The following ERC2 variants were observed in gnomAD, a reference collection of about 807,000 sequenced individuals.
ERC2 encodes ELKS/RAB6-interacting/CAST family member 2, also known as ERC protein 2.
A neutral mutation model predicts 114.8 loss-of-function variants in ERC2; 42 were observed. That is an observed-to-expected ratio of 0.37 (90% CI 0.29 to 0.47). ERC2 has a LOEUF of 0.47. ERC2 is among the 20% of genes least tolerant of loss of function. ERC2 has a pLI of 0.99. For synonymous variants in ERC2, 454 were observed against 425.5 expected (o/e 1.07, Z -0.82); for missense variants, 939 against 1,150.7 (o/e 0.82, Z 2.66).
intron 17 of ERC2, among the ~76,000 whole-genome samples, chr3:55,545,449 G>C (rs924465105): frequency 7.2e-5 from 11 of 152,222 alleles, no homozygotes. Context: ...GCTGCTGTGC[G>C]TCGGATCACG....
chr3:56,316,929 G>C (rs2056892731), intron 2 of ERC2, among the ~76,000 whole-genome samples: 1 of 152,162 alleles, frequency 6.6e-6, no homozygotes, highest in Admixed American at 6.5e-5. Context: ...ATTCATTTCT[G>C]CCACAACCAT....
chr3:56,396,564 T>C (rs989297042), intron 2 of ERC2, among the ~76,000 whole-genome samples: 1 of 152,258 alleles, frequency 6.6e-6, no homozygotes, highest in African/African-American at 2.4e-5. Flanking sequence ...GTGCTCACAA[T>C]GTTAATACAT....
intron 13 of ERC2, among the ~76,000 whole-genome samples, chr3:55,933,447 C>A (rs984770894): frequency 2.0e-5 from 3 of 152,182 alleles, no homozygotes; most frequent in Non-Finnish European, 4.4e-5. Context: ...GAAAGAATAA[C>A]GATACCTGTA....
At chr3:55,640,101 A>G (rs534556954) in intron 17 of ERC2, among the ~76,000 whole-genome samples, 1 of 152,270 alleles carries the variant, frequency 6.6e-6, no homozygotes, top group East Asian at 1.9e-4. Context: ...CTGTGGCTGC[A>G]CTTCACCTCC....
intron 6 of ERC2, among the ~76,000 whole-genome samples, chr3:56,102,015 G>A (rs9862067): frequency 0.015 from 2,353 of 152,224 alleles, 49 homozygotes; most frequent in African/African-American, 0.038. Context: ...AGCAAGATGT[G>A]GTACTTTCAA....
At chr3:55,821,478 C>A (rs893406837) in intron 14 of ERC2, among the ~76,000 whole-genome samples, 2 of 152,184 alleles carry the variant, frequency 1.3e-5, no homozygotes, top group Non-Finnish European at 2.9e-5. Flanking sequence ...TATATTTTAT[C>A]ATTTTTATTG....
intron 17 of ERC2, among the ~76,000 whole-genome samples, chr3:55,641,185 C>T (rs375070221): frequency 6.6e-6 from 1 of 152,082 alleles, no homozygotes; most frequent in Admixed American, 6.5e-5. Flanking sequence ...AGACAGAGAC[C>T]CAATGCCATT....
At chr3:56,264,719 C>T (rs1451626143) in intron 3 of ERC2, among the ~76,000 whole-genome samples, 1 of 148,892 alleles carries the variant, frequency 6.7e-6, no homozygotes, top group African/African-American at 2.5e-5. Flanking sequence ...ATAAAGACCC[C>T]ATAAAAAAAC....
At chr3:56,094,947 T>C (rs1205769649) in intron 6 of ERC2, among the ~76,000 whole-genome samples, 1 of 152,162 alleles carries the variant, frequency 6.6e-6, no homozygotes, top group Non-Finnish European at 1.5e-5. Context: ...AAAAATTAAA[T>C]CATAAAAGTG....
At chr3:55,852,136 C>T (rs2061599960) in intron 14 of ERC2, among the ~76,000 whole-genome samples, 1 of 152,164 alleles carries the variant, frequency 6.6e-6, no homozygotes, top group African/African-American at 2.4e-5. Flanking sequence ...AGGAGAATTG[C>T]TTGTACCCGG....
chr3:55,907,551 T>C (rs1003948415), intron 13 of ERC2, among the ~76,000 whole-genome samples: 4 of 152,232 alleles, frequency 2.6e-5, no homozygotes, highest in African/African-American at 7.2e-5. Flanking sequence ...ATAATGTGTA[T>C]TCTGTAATTT....
chr3:56,357,532 T>A (rs1280956925), intron 2 of ERC2, among the ~76,000 whole-genome samples: 1 of 151,920 alleles, frequency 6.6e-6, no homozygotes, highest in African/African-American at 2.4e-5. Context: ...CAGCACAGGG[T>A]CCTGGTCTCC....
At chr3:55,534,543 A>G (rs1260188071) in intron 17 of ERC2, among the ~76,000 whole-genome samples, 1 of 152,060 alleles carries the variant, frequency 6.6e-6, no homozygotes, top group East Asian at 1.9e-4. Flanking sequence ...AAAAATTACA[A>G]AAATTAACAG....
At chr3:55,766,557 G>A (rs1379041354) in intron 14 of ERC2, 1 of 152,080 alleles carries the variant, frequency 6.6e-6, no homozygotes, top group African/African-American at 2.4e-5. Flanking sequence ...GGTAGATGTA[G>A]AAGAAACCAG....
chr3:55,511,055 T>G lies in ERC2; in HGVS notation c.*261A>C, dbSNP rs1168490598. Reference sequence around the variant, plus strand: ...TCTGTCACTTTTCTCCTCCTCTGCATTCTTCCTTTCCATCATAACCAAATC... The same window carrying G: ...TCTGTCACTTTTCTCCTCCTCTGCAGTCTTCCTTTCCATCATAACCAAATC... On this transcript the variant is annotated 3_prime_UTR_variant, in exon 18 of 18. Transcript: ENST00000288221. 1.3e-5 allele frequency: 2 copies of G among 152,630 alleles called. No individual in the cohort carries two copies. The highest frequency in any genetic ancestry group is 3.9e-4 in the East Asian group (2 of 5,194). The allele number at this position is 152,630 out of a possible 1,614,324, so 9.5% of individuals were successfully genotyped here. A position where few individuals can be genotyped will look rare whatever the true frequency, so the allele number is the denominator to read the frequency against.
At chr3:55,729,514 C>T (rs544233128) in intron 15 of ERC2, among the ~76,000 whole-genome samples, 3 of 152,034 alleles carry the variant, frequency 2.0e-5, no homozygotes, top group Admixed American at 6.5e-5. Context: ...GTATTATGTC[C>T]GTTGTTTATT....
At chr3:56,254,981 T>C (rs951389450) in intron 3 of ERC2, among the ~76,000 whole-genome samples, 1 of 152,220 alleles carries the variant, frequency 6.6e-6, no homozygotes, top group South Asian at 2.1e-4. Context: ...GTGCCAAATA[T>C]AATGTTTTAT....
chr3:55,595,415 G>C (rs2058083199), intron 17 of ERC2, among the ~76,000 whole-genome samples: 2 of 152,316 alleles, frequency 1.3e-5, no homozygotes, highest in East Asian at 3.9e-4. Context: ...GCTCTTCAAA[G>C]ATTCTATTCC....
chr3:55,755,974 T>C (rs1012652775), intron 14 of ERC2, among the ~76,000 whole-genome samples: 2 of 152,102 alleles, frequency 1.3e-5, no homozygotes, highest in African/African-American at 4.8e-5. Flanking sequence ...GCAAACAGCT[T>C]TTTTCCATTT....
Sources: gnomAD v4.1 joint callset for allele counts (sites outside exome capture counted in the v4.1 genomes callset) on GRCh38, gnomAD v4.1.1 for gene constraint, MANE v1.5 for transcripts, NCBI Gene and HGNC (gene_info 2026-07-23, HGNC 2026-07-21) for gene names.